Variants in NOVA1 observed in about 807,000 individuals in gnomAD.
The protein encoded by NOVA1 is RNA-binding protein Nova-1.
NOVA1 carries 7 observed loss-of-function variants against 38.0 expected under a neutral mutation model. The ratio of observed to expected loss-of-function variants is 0.18; its 90% CI spans 0.10 to 0.35. The LOEUF is 0.35. Ranked by LOEUF, NOVA1 falls within the 10% of genes least tolerant of loss-of-function variation. The pLI, the probability that NOVA1 is intolerant of heterozygous loss-of-function variation, is 1.00. For synonymous variants in NOVA1, 270 were observed against 232.5 expected (o/e 1.16, Z -1.47); for missense variants, 460 against 616.0 (o/e 0.75, Z 2.68).
At chr14:26,571,679 G>A (rs995634120) in intron 2 of NOVA1, among the ~76,000 whole-genome samples, 3 of 152,180 alleles carry the variant, frequency 2.0e-5, no homozygotes, top group African/African-American at 7.2e-5. Flanking sequence ...GAAGACCTCA[G>A]CAGAGTCCAT....
intron 2 of NOVA1, among the ~76,000 whole-genome samples, chr14:26,507,991 G>C (rs1477455411): frequency 1.3e-5 from 2 of 151,892 alleles, no homozygotes; most frequent in African/African-American, 4.8e-5. Flanking sequence ...AGGAAAAAAA[G>C]CAAAAGCTTC....
In NOVA1 at chr14:26,530,860, C is replaced by A. The variant is rs964589764; in HGVS notation, c.281-50717G>T. 3.9e-5 allele frequency among the ~76,000 whole-genome samples: 6 copies of A among 152,092 alleles called. No homozygotes were observed. The South Asian group carries it at 1.2e-3, about 32-fold the overall frequency. ...AAATATCATCCTTTCTAAAATTCCT[C>A]AAGGCAAGAATCCTAAATATAATAA... On this transcript the variant is annotated intron_variant, in intron 2 of 4. Coordinates refer to ENST00000539517, the MANE Select transcript of NOVA1 (RefSeq NM_002515.3).
chr14:26,464,288 C>T (rs1049380521), intron 4 of NOVA1, among the ~76,000 whole-genome samples: 1 of 152,150 alleles, frequency 6.6e-6, no homozygotes, highest in Non-Finnish European at 1.5e-5. Context: ...CAAAGCATTA[C>T]CTTTTCTGTT....
At chr14:26,458,950 C>A (rs952243541) in intron 4 of NOVA1, among the ~76,000 whole-genome samples, 1 of 151,914 alleles carries the variant, frequency 6.6e-6, no homozygotes, top group East Asian at 1.9e-4. Context: ...AAAAAATATA[C>A]GAAGCAAAAA....
chr14:26,580,327 C>A (rs1893131113), intron 2 of NOVA1, among the ~76,000 whole-genome samples: 1 of 152,000 alleles, frequency 6.6e-6, no homozygotes, highest in Admixed American at 6.6e-5. Flanking sequence ...TTTGCATATA[C>A]AAGGATGAAG....
At chr14:26,543,714 A>T (rs1231411394) in intron 2 of NOVA1, among the ~76,000 whole-genome samples, 3 of 152,000 alleles carry the variant, frequency 2.0e-5, no homozygotes, top group Non-Finnish European at 4.4e-5. Context: ...TTATGGCCTC[A>T]ATGCCACAAT....
At chr14:26,472,295 T>G in intron 4 of NOVA1, 25 bp downstream of exon 4, 1 of 1,416,830 alleles carries the variant, frequency 7.1e-7, no homozygotes, top group South Asian at 1.2e-5. Context: ...AAAAGTATGG[T>G]GTAGATGACA....
intron 3 of NOVA1, among the ~76,000 whole-genome samples, chr14:26,476,600 T>C (rs1339788102): frequency 1.3e-5 from 2 of 152,196 alleles, no homozygotes; most frequent in African/African-American, 2.4e-5. Context: ...TCTTCTACTC[T>C]AATTAGGCTA....
chr14:26,464,995 A>G (rs1883996951), intron 4 of NOVA1, among the ~76,000 whole-genome samples: 1 of 152,096 alleles, frequency 6.6e-6, no homozygotes, highest in African/African-American at 2.4e-5. Context: ...CAATTTCATA[A>G]CTCTCATCCT....
intron 2 of NOVA1, among the ~76,000 whole-genome samples, chr14:26,505,208 A>C (rs178189): frequency 0.6 from 91,866 of 152,112 alleles, 31,626 homozygotes; most frequent in Non-Finnish European, 0.75. Context: ...TGAATGAGCT[A>C]AACGGTAAAT....
At chr14:26,571,055 G>A (rs1184208000) in intron 2 of NOVA1, among the ~76,000 whole-genome samples, 1 of 150,074 alleles carries the variant, frequency 6.7e-6, no homozygotes, top group African/African-American at 2.5e-5. Flanking sequence ...ACAAAGGCTG[G>A]TGAAGAGCAA....
intron 3 of NOVA1, among the ~76,000 whole-genome samples, chr14:26,476,723 T>C (rs904923813): frequency 1.3e-5 from 2 of 151,552 alleles, no homozygotes; most frequent in African/African-American, 2.4e-5. Flanking sequence ...CTTTTCTTTT[T>C]TTTTTTTTTT....
intron 2 of NOVA1, among the ~76,000 whole-genome samples, chr14:26,585,893 T>A (rs1268793330): frequency 6.6e-6 from 1 of 151,374 alleles, no homozygotes; most frequent in Non-Finnish European, 1.5e-5. Flanking sequence ...AATTCATTAT[T>A]AAAGTAAACT....
At chr14:26,460,941 C>A (rs1883609495) in intron 4 of NOVA1, among the ~76,000 whole-genome samples, 1 of 152,086 alleles carries the variant, frequency 6.6e-6, no homozygotes, top group Admixed American at 6.6e-5. Context: ...TGTATACACA[C>A]ACACACAAAG....
chr14:26,445,015 A>G lies in NOVA1; in HGVS notation c.*2944T>C, dbSNP rs1881966682. On this transcript the variant is annotated 3_prime_UTR_variant, in exon 5 of 5. Transcript: ENST00000539517. ...CACTGTGTCTCAGAGCGCCCATTCA[A>G]TCTCAGTAAGTAAATGAAATATTGA... 1 of 152,168 alleles carries G rather than the reference A, an allele frequency of 6.6e-6. No homozygotes were observed. The highest frequency in any genetic ancestry group is 6.6e-5 in the Admixed American group (1 of 15,266). The allele number at this position is 152,168 out of a possible 1,614,324, so 9.4% of individuals were successfully genotyped here.
intron 4 of NOVA1, among the ~76,000 whole-genome samples, chr14:26,451,293 G>C (rs1391293271): frequency 6.6e-6 from 1 of 151,788 alleles, no homozygotes; most frequent in Non-Finnish European, 1.5e-5. Context: ...TTGAACATTA[G>C]CCTGTCTTTT....
chr14:26,501,928 A>G (rs1285158424), intron 2 of NOVA1, among the ~76,000 whole-genome samples: 2 of 151,972 alleles, frequency 1.3e-5, no homozygotes, highest in East Asian at 1.9e-4. Flanking sequence ...AATATGTCTG[A>G]GGATTTTCTA....
intron 4 of NOVA1, chr14:26,470,187 A>T (rs928816406): frequency 2.0e-5 from 18 of 903,974 alleles, no homozygotes; most frequent in Non-Finnish European, 2.6e-5. Context: ...CATTACAATT[A>T]GCTTAAGATG....
At chr14:26,565,357 C>T (rs1478722805) in intron 2 of NOVA1, among the ~76,000 whole-genome samples, 1 of 152,060 alleles carries the variant, frequency 6.6e-6, no homozygotes, top group African/African-American at 2.4e-5. Context: ...AAGTCTATCG[C>T]CCATCCCATC....
Sources: allele counts gnomAD v4.1 joint callset (sites outside exome capture counted in the v4.1 genomes callset), GRCh38; gene constraint gnomAD v4.1.1; transcripts MANE v1.5; gene names NCBI Gene and HGNC (gene_info 2026-07-23, HGNC 2026-07-21).